LECT2: variants seen among roughly 807,000 people sequenced by gnomAD.
LECT2 encodes leukocyte cell-derived chemotaxin-2.
In LECT2, 11 loss-of-function variants were observed where a neutral mutation model predicts 16.6. That is an observed-to-expected ratio of 0.66 (90% confidence interval 0.42 to 1.09). The LOEUF is 1.09. LECT2 is among the 50% of genes least tolerant of loss of function. The pLI is 0.00. For synonymous variants in LECT2, 54 were observed against 64.8 expected, an observed-to-expected ratio of 0.83 and a Z score of 0.80; for missense variants, 173 against 184.2, an observed-to-expected ratio of 0.94 and a Z score of 0.35.
At chr5:135,948,915 T>G (rs1292887001) in intron 3 of LECT2, among the ~76,000 whole-genome samples, 1 of 152,134 alleles carries the variant, frequency 6.6e-6, no homozygotes, top group Non-Finnish European at 1.5e-5. Context: ...GACCTCGTGA[T>G]CCATCCACCT....
intron 1 of LECT2, 96 bp from the exon 2 acceptor site, chr5:135,953,063 T>C: frequency 1.3e-6 from 1 of 769,336 alleles, no homozygotes; most frequent in Middle Eastern, 2.3e-4. Flanking sequence ...GACAATTCTG[T>C]TTTCACTGTA....
rs527504568 is a variant in LECT2 at position 135,947,210 on chromosome 5, T to C, written c.*121A>G. The stretch of plus-strand genomic sequence containing the variant: ...TGTGTAATAATCATGTCATGGAAAA[T>C]GGGGTATCCATCCCTTCATGCATTT... On this transcript the variant is annotated 3_prime_UTR_variant, in exon 4 of 4. Coordinates refer to ENST00000274507, the MANE Select transcript of LECT2 (RefSeq NM_002302.3). 38 of 833,156 alleles carry C rather than the reference T, an allele frequency of 4.6e-5. No homozygotes were observed. The East Asian group carries it at 8.3e-4, about 18-fold the overall frequency. 51.6% of individuals were successfully genotyped at this position (833,156 alleles called of 1,614,324 possible).
chr5:135,948,823 C>T (rs553241969), intron 3 of LECT2, among the ~76,000 whole-genome samples: 6 of 151,914 alleles, frequency 3.9e-5, no homozygotes, highest in East Asian at 1.9e-4. Flanking sequence ...TACAGGCGCC[C>T]GCCACCACAT....
At chr5:135,953,023 A>T in intron 1 of LECT2, 56 bp from the exon 2 acceptor site, 1 of 1,183,092 alleles carries the variant, frequency 8.5e-7, no homozygotes, top group Non-Finnish European at 1.3e-6. Context: ...TCCTATCCCC[A>T]TTTGCCTTAT....
chr5:135,953,506 GTTTC>G (rs1763823854), intron 1 of LECT2, among the ~76,000 whole-genome samples: 1 of 152,126 alleles, frequency 6.6e-6, no homozygotes, highest in African/African-American at 2.4e-5. Context: ...AGCTGAATGT[GTTTC>G]TTTATAAGCA....
In LECT2 at chr5:135,951,330, G is replaced by C. The variant is rs762274523; in HGVS notation, c.182C>G (p.Ser61Cys). The change falls in exon 3 of 4, where the codon TCT (serine) becomes TGT (cysteine). Residue 61 changes from serine to cysteine, a missense_variant. By Grantham distance (112) the Ser-to-Cys change is moderately radical (BLOSUM62 -1). Coordinates refer to ENST00000274507, the MANE Select transcript of LECT2 (RefSeq NM_002302.3). ...RPHQGVDILC[S>C]AGSTVYAPFT... is the part of the protein sequence containing the mutation. ...TGGTGCGTACACAGTAGATCCAGCA[G>C]AGCACAAGATGTCCACACCCTGGTG... 1 of 1,614,002 alleles carries C rather than the reference G, an allele frequency of 6.2e-7. No homozygotes were observed. Among genetic ancestry groups the C allele is most frequent in the Admixed American group, 1.7e-5 (1 of 60,018 alleles).
At chr5:135,954,154 C>T (rs1763830344) in intron 1 of LECT2, among the ~76,000 whole-genome samples, 1 of 152,202 alleles carries the variant, frequency 6.6e-6, no homozygotes, top group African/African-American at 2.4e-5. Context: ...ACATTTTACT[C>T]TTCATTAATA....
chr5:135,948,033 G>A (rs547384280), intron 3 of LECT2, among the ~76,000 whole-genome samples: 109 of 152,272 alleles, frequency 7.2e-4, no homozygotes, highest in African/African-American at 2.2e-3. Context: ...CCAATTGAAT[G>A]CTGTATGGAA....
At position 135,954,918 on chromosome 5, in the gene LECT2, T is replaced by G; in HGVS notation, c.-85A>C. ...AGAATATTCAAGTTTGAATGAATACTTCCTAGCTATTTAGCCTTAGAATTC... is the reference window on the plus strand; with the variant it reads ...AGAATATTCAAGTTTGAATGAATACGTCCTAGCTATTTAGCCTTAGAATTC... On this transcript the variant is annotated 5_prime_UTR_variant, in exon 1 of 4. Coordinates refer to ENST00000274507, the MANE Select transcript of LECT2 (RefSeq NM_002302.3). 1.0e-6 allele frequency: 1 copy of G among 975,258 alleles called. No individual in the cohort carries two copies. Among genetic ancestry groups the G allele is most frequent in the Non-Finnish European group, 1.6e-6 (1 of 610,528 alleles). 60.4% of individuals were successfully genotyped at this position (975,258 alleles called of 1,614,324 possible). A position where few individuals can be genotyped will look rare whatever the true frequency, so the allele number is the denominator to read the frequency against.
At chr5:135,953,869 T>C (rs1427316050) in intron 1 of LECT2, among the ~76,000 whole-genome samples, 3 of 151,928 alleles carry the variant, frequency 2.0e-5, no homozygotes, top group Non-Finnish European at 4.4e-5. Flanking sequence ...AGATTAGGGG[T>C]GAAGGTAGGA....
At chr5:135,951,878 G>C (rs140170920) in intron 2 of LECT2, among the ~76,000 whole-genome samples, 1 of 152,164 alleles carries the variant, frequency 6.6e-6, no homozygotes, top group South Asian at 2.1e-4. Context: ...TTATTAAAGT[G>C]CATGGAGCCC....
rs927785033 is a variant in LECT2, at chr5:135,947,184, A to G, written c.*147T>C. The G allele has an allele frequency of 1.5e-6, 1 of 671,136 alleles. No homozygotes were observed. The highest frequency in any genetic ancestry group is 1.8e-5 in the African/African-American group (1 of 55,804). The allele number at this position is 671,136 out of a possible 1,614,324, so 41.6% of individuals were successfully genotyped here. Reference sequence around the variant, plus strand: ...TGAGATGTTTTGATACAGGCATGCAATGTGTAATAATCATGTCATGGAAAA... The same window carrying G: ...TGAGATGTTTTGATACAGGCATGCAGTGTGTAATAATCATGTCATGGAAAA... On this transcript the variant is annotated 3_prime_UTR_variant, in exon 4 of 4. Transcript: ENST00000274507.
chr5:135,947,077 A>T lies in LECT2; in HGVS notation c.*254T>A. 2 of 297,698 alleles carry T rather than the reference A, an allele frequency of 6.7e-6. No homozygotes were observed. Among genetic ancestry groups the T allele is most frequent in the Non-Finnish European group, 1.2e-5 (2 of 162,026 alleles). 18.4% of individuals were successfully genotyped at this position (297,698 alleles called of 1,614,324 possible). ...AAATGTTTTCTTTCTTGCATTTATC[A>T]TGTTTCTATTTAAACTCAAATTTCC... On this transcript the variant is annotated 3_prime_UTR_variant, in exon 4 of 4. Transcript: ENST00000274507.
intron 3 of LECT2, among the ~76,000 whole-genome samples, chr5:135,948,942 T>G (rs1052310055): frequency 6.6e-6 from 1 of 152,176 alleles, no homozygotes; most frequent in African/African-American, 2.4e-5. Flanking sequence ...CCCAAAGTGC[T>G]GGGATTACAG....
At chr5:135,953,098 A>G in intron 1 of LECT2, 131 bp from the exon 2 acceptor site, 1 of 602,870 alleles carries the variant, frequency 1.7e-6, no homozygotes, top group South Asian at 2.2e-5. Flanking sequence ...TTATGTATTT[A>G]TGGGAAGATC....
Position 135,947,302 on chromosome 5 carries a change from T to C in LECT2, c.*29A>G. On this transcript the variant is annotated 3_prime_UTR_variant, in exon 4 of 4. Transcript: ENST00000274507. ...TCCAGGTTTTTAAGATGACTTTTTA[T>C]TTTGAAGATCTGACCATTGGCCTTC... The C allele has an allele frequency of 1.3e-6, 2 of 1,598,552 alleles. No homozygotes were observed. Among genetic ancestry groups the C allele is most frequent in the Non-Finnish European group, 1.7e-6 (2 of 1,170,210 alleles).
chr5:135,947,274 G>A lies in LECT2; in HGVS notation c.*57C>T. On this transcript the variant is annotated 3_prime_UTR_variant, in exon 4 of 4. Coordinates refer to ENST00000274507, the MANE Select transcript of LECT2 (RefSeq NM_002302.3). Reference sequence around the variant, plus strand: ...ACAAATTTCTTGAAGAGAAGGGTATGCATCCAGGTTTTTAAGATGACTTTT... The same window carrying A: ...ACAAATTTCTTGAAGAGAAGGGTATACATCCAGGTTTTTAAGATGACTTTT... 6.6e-7 allele frequency: 1 copy of A among 1,514,556 alleles called. No individual in the cohort carries two copies. Among genetic ancestry groups the A allele is most frequent in the Admixed American group, 1.7e-5 (1 of 58,022 alleles). The allele number at this position is 1,514,556 out of a possible 1,614,324, so 93.8% of individuals were successfully genotyped here. A position where few individuals can be genotyped will look rare whatever the true frequency, so the allele number is the denominator to read the frequency against.
At chr5:135,954,713 T>C in intron 1 of LECT2, 75 bp downstream of exon 1, 1 of 1,079,792 alleles carries the variant, frequency 9.3e-7, no homozygotes, top group Non-Finnish European at 1.4e-6. Context: ...TAATGACTTT[T>C]TAATCTTTTT....
chr5:135,953,160 TG>T, intron 1 of LECT2, 193 bp from the exon 2 acceptor site: 1 of 552,396 alleles, frequency 1.8e-6, no homozygotes, highest in Non-Finnish European at 3.2e-6. Flanking sequence ...GCTTTTTCCC[TG>T]GCCACAGAAT....
Sources: gnomAD v4.1 joint callset for allele counts (sites outside exome capture counted in the v4.1 genomes callset) on GRCh38, gnomAD v4.1.1 for gene constraint, MANE v1.5 for transcripts, NCBI Gene and HGNC (gene_info 2026-07-23, HGNC 2026-07-21) for gene names.